The following BARX2 variants were observed in gnomAD, a reference collection of about 807,000 sequenced individuals.
The protein encoded by BARX2 is homeobox protein BarH-like 2.
BARX2 carries 11 observed loss-of-function variants against 25.5 expected under a neutral mutation model. That is an observed-to-expected ratio of 0.43 (90% CI 0.27 to 0.71). The LOEUF is 0.71. Ranked by LOEUF, BARX2 falls within the 30% of genes least tolerant of loss-of-function variation. The probability of loss-of-function intolerance (pLI) is 0.19; values close to 1 mark genes in which losing one functional copy is unlikely to be tolerated. For missense variants in BARX2, 360 were observed against 359.9 expected (o/e 1.00, Z 0.00); for synonymous variants, 137 against 149.5 (o/e 0.92, Z 0.61).
At chr11:129,417,778 C>G (rs918600745) in intron 1 of BARX2, among the ~76,000 whole-genome samples, 2 of 152,260 alleles carry the variant, frequency 1.3e-5, no homozygotes, top group Middle Eastern at 3.4e-3. Flanking sequence ...ACAGTAGCCT[C>G]CATTTGTATG....
chr11:129,438,321 CAAAAAAAAAAAA>C (rs397848249), intron 2 of BARX2: 3 of 84,284 alleles, frequency 3.6e-5, no homozygotes, highest in Non-Finnish European at 5.0e-5. Context: ...GACTCAGTCT[CAAAAAAAAAAAA>C]AAAAAAAAAA....
chr11:129,423,443 T>G (rs944204442), intron 1 of BARX2, among the ~76,000 whole-genome samples: 3 of 152,166 alleles, frequency 2.0e-5, no homozygotes, highest in Admixed American at 2.0e-4. Context: ...TTACATATTT[T>G]TTTGCATGTA....
intron 1 of BARX2, among the ~76,000 whole-genome samples, chr11:129,388,252 T>C (rs1861633813): frequency 6.6e-6 from 1 of 152,148 alleles, no homozygotes; most frequent in African/African-American, 2.4e-5. Context: ...TTTCCTGTGG[T>C]GATTGGGGTT....
At chr11:129,406,739 G>A (rs1242417191) in intron 1 of BARX2, among the ~76,000 whole-genome samples, 1 of 152,196 alleles carries the variant, frequency 6.6e-6, no homozygotes, top group Non-Finnish European at 1.5e-5. Context: ...AGTTGAGCCT[G>A]CATGTCATGG....
chr11:129,427,390 T>G (rs1298852061), intron 1 of BARX2, among the ~76,000 whole-genome samples: 2 of 151,608 alleles, frequency 1.3e-5, no homozygotes, highest in East Asian at 3.9e-4. Context: ...TGATTTTATG[T>G]TTTTTTTCTA....
rs775482917 is a variant in BARX2 at position 129,436,998 on chromosome 11, C to T, written c.435C>T (p.Leu145=). ...RSRTIFTELQ[L]MGLEKKFQKQ... ...GCACCATCTTCACCGAGCTGCAGCT[C>T]ATGGGCCTGGAGAAGAAATTCCAGA... The change falls in exon 2 of 4, where the codon CTC becomes CTT. Residue 145 remains leucine, a synonymous_variant. Coordinates refer to ENST00000281437, the MANE Select transcript of BARX2 (RefSeq NM_003658.5). This position sits in a 1 kb window ranked among gnomAD's most constrained non-coding sequence, Gnocchi z 4.5. The T allele has an allele frequency of 3.7e-6, 6 of 1,603,536 alleles. No homozygotes were observed. The highest frequency in any genetic ancestry group is 3.4e-5 in the Admixed American group (2 of 58,980).
At position 129,451,496 on chromosome 11, in the gene BARX2, T is replaced by TTTC; in HGVS notation, c.*94_*95insTTC. On this transcript the variant is annotated 3_prime_UTR_variant, in exon 4 of 4. Transcript: ENST00000281437. ...GAGAGAAAACCTTCCAGCAGCCCAG[T>TTTC]AAACTGCGGGCGAAGAGATCTACCC... The TTTC allele has an allele frequency of 7.1e-7, 1 of 1,415,210 alleles. No individual in the cohort carries two copies. Among genetic ancestry groups the TTTC allele is most frequent in the East Asian group, 2.4e-5 (1 of 41,012 alleles). The allele number at this position is 1,415,210 out of a possible 1,614,324, so 87.7% of individuals were successfully genotyped here.
At position 129,449,307 on chromosome 11, in the gene BARX2, T is replaced by C. The variant is rs150645509; in HGVS notation, c.574-1829T>C. Among the ~76,000 whole-genome samples the C allele has an allele frequency of 3.9e-4, 59 of 152,282 alleles. 1 individual carries two copies. Among genetic ancestry groups the C allele is most frequent in the Non-Finnish European group, 7.5e-4 (51 of 68,000 alleles). The stretch of plus-strand genomic sequence containing the variant: ...AGGAAAGAGGAACAGTCAGTAAATA[T>C]TTAGGGACTGCATAGAAGTTAGCTG... On this transcript the variant is annotated intron_variant, in intron 3 of 3. Coordinates refer to ENST00000281437, the MANE Select transcript of BARX2 (RefSeq NM_003658.5).
chr11:129,420,584 G>A (rs1216823223), intron 1 of BARX2, among the ~76,000 whole-genome samples: 8 of 152,192 alleles, frequency 5.3e-5, no homozygotes, highest in African/African-American at 1.7e-4. Flanking sequence ...TCTTAATTGT[G>A]CATGGTGCAA....
chr11:129,442,332 A>C (rs1338639576), intron 2 of BARX2, among the ~76,000 whole-genome samples: 1 of 152,158 alleles, frequency 6.6e-6, no homozygotes, highest in Non-Finnish European at 1.5e-5. Flanking sequence ...ACGTGGGACC[A>C]TCTGGGTGAC....
At chr11:129,417,234 A>T (rs1041172767) in intron 1 of BARX2, among the ~76,000 whole-genome samples, 1 of 152,152 alleles carries the variant, frequency 6.6e-6, no homozygotes, top group African/African-American at 2.4e-5. Flanking sequence ...AAGATATTAC[A>T]GCACTCCTGT....
At position 129,386,488 on chromosome 11, in the gene BARX2, T is replaced by G. The variant is rs576463191; in HGVS notation, c.187+10266T>G. 3.3e-5 allele frequency among the ~76,000 whole-genome samples: 5 copies of G among 152,354 alleles called. No individual in the cohort carries two copies. In the East Asian group the frequency reaches 7.7e-4, roughly 24 times the overall value. On this transcript the variant is annotated intron_variant, in intron 1 of 3. Coordinates refer to ENST00000281437, the MANE Select transcript of BARX2 (RefSeq NM_003658.5). ...TCCAAGTTCTCTTTATAGTCCATAA[T>G]CATGATCTGATTTTAAAAGTTTGTT...
At position 129,451,616 on chromosome 11, in the gene BARX2, C is replaced by A; in HGVS notation, c.*214C>A. On this transcript the variant is annotated 3_prime_UTR_variant, in exon 4 of 4. Coordinates refer to ENST00000281437, the MANE Select transcript of BARX2 (RefSeq NM_003658.5). ...GGGCCTGTCACCTCCTGAAAGGCTG[C>A]TTTAGCTGTGGATGCCCTTGATTAA... The A allele has an allele frequency of 1.6e-6, 1 of 616,536 alleles. No homozygotes were observed. Among genetic ancestry groups the A allele is most frequent in the Non-Finnish European group, 2.7e-6 (1 of 364,148 alleles). The allele number at this position is 616,536 out of a possible 1,614,324, so 38.2% of individuals were successfully genotyped here.
intron 3 of BARX2, among the ~76,000 whole-genome samples, chr11:129,446,387 T>C (rs979899367): frequency 6.6e-6 from 1 of 152,164 alleles, no homozygotes; most frequent in South Asian, 2.1e-4. Context: ...TAGCTCTCTG[T>C]GTAATCTTGG....
rs865900540 is a variant in BARX2, at chr11:129,451,683, C to T, written c.*281C>T. On this transcript the variant is annotated 3_prime_UTR_variant, in exon 4 of 4. Coordinates refer to ENST00000281437, the MANE Select transcript of BARX2 (RefSeq NM_003658.5). ...GAGCTGCCTGCCCCAGCTGGGGTGACGGCTGTAGGGCTGGGTCTATGTTGC... is the reference window on the plus strand; with the variant it reads ...GAGCTGCCTGCCCCAGCTGGGGTGATGGCTGTAGGGCTGGGTCTATGTTGC... 12 of 436,336 alleles carry T rather than the reference C, an allele frequency of 2.8e-5. No individual in the cohort carries two copies. The highest frequency in any genetic ancestry group is 3.7e-5 in the Admixed American group (1 of 26,966). The allele number at this position is 436,336 out of a possible 1,614,324, so 27.0% of individuals were successfully genotyped here. A position where few individuals can be genotyped will look rare whatever the true frequency, so the allele number is the denominator to read the frequency against.
chr11:129,423,961 T>A (rs918700770), intron 1 of BARX2, among the ~76,000 whole-genome samples: 2 of 152,004 alleles, frequency 1.3e-5, no homozygotes, highest in Admixed American at 1.3e-4. Context: ...GCGATTCTCC[T>A]GCCTCAGCCT....
At chr11:129,397,859 C>T (rs990711145) in intron 1 of BARX2, among the ~76,000 whole-genome samples, 4 of 152,264 alleles carry the variant, frequency 2.6e-5, no homozygotes, top group Admixed American at 1.3e-4. Flanking sequence ...AAAGGAAGGC[C>T]GAGAGGAATG....
intron 1 of BARX2, among the ~76,000 whole-genome samples, chr11:129,422,177 C>T (rs572374969): frequency 1.4e-4 from 21 of 152,294 alleles, no homozygotes; most frequent in African/African-American, 5.1e-4. Context: ...CTGTGCCCAG[C>T]CCCTCAACAC....
intron 1 of BARX2, among the ~76,000 whole-genome samples, chr11:129,397,965 C>A (rs1175276861): frequency 6.6e-6 from 1 of 152,168 alleles, no homozygotes; most frequent in African/African-American, 2.4e-5. Flanking sequence ...GATCTCATGA[C>A]CTTCAGGGTA....
Sources: allele counts gnomAD v4.1 joint callset (sites outside exome capture counted in the v4.1 genomes callset), GRCh38; gene constraint gnomAD v4.1.1; non-coding constraint Gnocchi (gnomAD v3.1); transcripts MANE v1.5; gene names NCBI Gene and HGNC (gene_info 2026-07-23, HGNC 2026-07-21).